ATP2B1: variants seen among roughly 807,000 people sequenced by gnomAD.
The protein encoded by ATP2B1 is plasma membrane calcium-transporting ATPase 1.
Under a neutral mutation model 124.2 loss-of-function variants are expected in ATP2B1, and 14 were observed. The ratio of observed to expected loss-of-function variants is 0.11; its 90% CI spans 0.07 to 0.18. The LOEUF is 0.18. Among genes scored for constraint, ATP2B1 ranks in the 10% least tolerant of loss-of-function variants. The pLI is 1.00. For synonymous variants in ATP2B1, 449 were observed against 492.4 expected (o/e 0.91, Z 1.17); for missense variants, 763 against 1,466.1 (o/e 0.52, Z 7.83).
At chr12:89,670,310 A>C (rs1377301450) in intron 1 of ATP2B1, among the ~76,000 whole-genome samples, 1 of 152,206 alleles carries the variant, frequency 6.6e-6, no homozygotes, top group African/African-American at 2.4e-5. Context: ...ACAATAAATA[A>C]AAAATAAATA....
intron 2 of ATP2B1, among the ~76,000 whole-genome samples, chr12:89,652,072 C>A (rs1434038054): frequency 1.3e-5 from 2 of 152,154 alleles, no homozygotes; most frequent in Admixed American, 6.5e-5. Context: ...CTTCTCCACT[C>A]ATTTTTTTTA....
intron 1 of ATP2B1, among the ~76,000 whole-genome samples, chr12:89,694,396 C>G (rs1890883514): frequency 6.6e-6 from 1 of 152,142 alleles, no homozygotes; most frequent in African/African-American, 2.4e-5. Context: ...TATAATCTCT[C>G]AACATCCCCC....
intron 1 of ATP2B1, among the ~76,000 whole-genome samples, chr12:89,660,176 C>T (rs751575478): frequency 4.6e-5 from 7 of 152,026 alleles, no homozygotes; most frequent in African/African-American, 1.4e-4. Flanking sequence ...GTTTTCTTAA[C>T]GCACTGTTGG....
At chr12:89,607,221 C>A (rs1318559766) in intron 15 of ATP2B1, among the ~76,000 whole-genome samples, 1 of 152,184 alleles carries the variant, frequency 6.6e-6, no homozygotes, top group Non-Finnish European at 1.5e-5. Context: ...GCATTCAAGG[C>A]CTTTTTAATG....
chr12:89,637,638 A>G (rs1403505401), intron 3 of ATP2B1, among the ~76,000 whole-genome samples: 2 of 152,230 alleles, frequency 1.3e-5, no homozygotes, highest in African/African-American at 4.8e-5. Flanking sequence ...GCCTCAAGCA[A>G]TCCTCCCACC....
At chr12:89,701,829 T>C (rs1285659515) in intron 1 of ATP2B1, among the ~76,000 whole-genome samples, 3 of 152,122 alleles carry the variant, frequency 2.0e-5, no homozygotes, top group Non-Finnish European at 4.4e-5. Context: ...CTTATAGGCA[T>C]CAAGCACAGC....
Position 89,624,231 on chromosome 12 carries a change from T to G in ATP2B1, c.1296A>C (p.Pro432=), listed in dbSNP as rs760370514. Residue 432 remains proline (P), a synonymous_variant, in exon 9 of 21, where the codon CCA becomes CCC. Coordinates refer to ENST00000428670, the MANE Select transcript of ATP2B1 (RefSeq NM_001366521.1). ...TCGTGACTGCAAGTGGAAGACCTTCTGGCACTGCGACCACTAAAACTGTAA... is the reference window on the plus strand; with the variant it reads ...TCGTGACTGCAAGTGGAAGACCTTCGGGCACTGCGACCACTAAAACTGTAA... ...IGVTVLVVAV[P]EGLPLAVTIS... is the part of the protein sequence containing the mutation. The G allele has an allele frequency of 6.2e-7, 1 of 1,614,076 alleles. No individual in the cohort carries two copies.
In ATP2B1 at chr12:89,611,276, A is replaced by T. The variant is rs972105631; in HGVS notation, c.2164T>A (p.Cys722Ser). 1.2e-5 allele frequency: 19 copies of T among 1,611,974 alleles called. No individual in the cohort carries two copies. The highest frequency in any genetic ancestry group is 1.7e-5 in the Admixed American group (1 of 59,762). The part of the protein sequence containing the change: ...INTARAIATK[C>S]GILHPGEDFL... ...TCTTCCCCAGGATGTAAAATACCACATTTGGTAGCAATGGCCCGAGCAGTA... is the reference window on the plus strand; with the variant it reads ...TCTTCCCCAGGATGTAAAATACCACTTTTGGTAGCAATGGCCCGAGCAGTA... The change falls in exon 13 of 21, where the codon TGT becomes AGT. Residue 722 changes from cysteine (C) to serine (S), a missense_variant. Coordinates refer to ENST00000428670, the MANE Select transcript of ATP2B1 (RefSeq NM_001366521.1).
intron 1 of ATP2B1, among the ~76,000 whole-genome samples, chr12:89,702,824 G>A (rs1892009996): frequency 6.6e-6 from 1 of 152,072 alleles, no homozygotes; most frequent in Non-Finnish European, 1.5e-5. Context: ...GGAAGTCACT[G>A]TACTTAGAAA....
chr12:89,639,858 GA>G (rs1348290220), intron 3 of ATP2B1, among the ~76,000 whole-genome samples: 1 of 152,118 alleles, frequency 6.6e-6, no homozygotes, highest in Non-Finnish European at 1.5e-5. Flanking sequence ...TCCACTTCTT[GA>G]AAGTATTTTT....
At chr12:89,605,254 A>G (rs552523642) in intron 15 of ATP2B1, among the ~76,000 whole-genome samples, 1 of 152,296 alleles carries the variant, frequency 6.6e-6, no homozygotes, top group African/African-American at 2.4e-5. Flanking sequence ...AACCTCACGA[A>G]CCTTGCCACG....
Position 89,648,728 on chromosome 12 carries a change from G to A in ATP2B1, c.209-6373C>T, listed in dbSNP as rs143803898. Among the ~76,000 whole-genome samples, 57 of 152,340 alleles carry A rather than the reference G, an allele frequency of 3.7e-4. No homozygotes were observed. The East Asian group carries it at 0.011, about 28-fold the overall frequency. On this transcript the variant is annotated intron_variant, in intron 2 of 20. Transcript: ENST00000428670. ...GATAAGGCAATGAGAAAAAGGCCTC[G>A]AAGGCATTTCAGAGATCTTTGGGAT...
chr12:89,599,340 A>C, intron 19 of ATP2B1, 41 bp from the exon 20 acceptor site: 1 of 1,592,700 alleles, frequency 6.3e-7, no homozygotes, highest in Non-Finnish European at 8.6e-7. Context: ...AATCATATCA[A>C]GTAAAGGTAA....
In ATP2B1 at chr12:89,603,309, G is replaced by C. The variant is rs1029172694; in HGVS notation, c.2849-55C>G. ...ATTATCATACCAAATTAGATTTCAA[G>C]GAGGTATACAAATTACAACTTAGCT... is the stretch of plus-strand genomic sequence containing the variant. On this transcript the variant is annotated intron_variant, in intron 17 of 20. Transcript: ENST00000428670. This position sits in a 1 kb window ranked among gnomAD's most constrained non-coding sequence, Gnocchi z 4.3. The C allele has an allele frequency of 7.2e-7, 1 of 1,396,488 alleles. No homozygotes were observed. Among genetic ancestry groups the C allele is most frequent in the East Asian group, 2.5e-5 (1 of 40,494 alleles). 86.5% of individuals were successfully genotyped at this position (1,396,488 alleles called of 1,614,324 possible).
At chr12:89,703,423 T>G (rs1391236966) in intron 1 of ATP2B1, among the ~76,000 whole-genome samples, 3 of 152,238 alleles carry the variant, frequency 2.0e-5, no homozygotes, top group African/African-American at 7.2e-5. Context: ...ATCTACTTGC[T>G]GTTTTTGAAA....
chr12:89,610,308 TAAAAC>T (rs1423140077), intron 14 of ATP2B1, 108 bp downstream of exon 14: 1 of 954,304 alleles, frequency 1.0e-6, no homozygotes, highest in African/African-American at 1.7e-5. Flanking sequence ...TAGATTTTAT[TAAAAC>T]AGATGATATC....
intron 1 of ATP2B1, among the ~76,000 whole-genome samples, chr12:89,668,984 G>A (rs1887614419): frequency 6.6e-6 from 1 of 152,050 alleles, no homozygotes. Context: ...CTGACTCCAT[G>A]GCATGGAATT....
At chr12:89,654,484 G>A (rs1885707562) in intron 2 of ATP2B1, among the ~76,000 whole-genome samples, 1 of 152,172 alleles carries the variant, frequency 6.6e-6, no homozygotes, top group Admixed American at 6.5e-5. Flanking sequence ...AACAGGTCTT[G>A]CAGGCAAAGA....
intron 1 of ATP2B1, among the ~76,000 whole-genome samples, chr12:89,707,561 GGTGGCTGTCTGC>G (rs2136929749): frequency 6.6e-6 from 1 of 152,302 alleles, no homozygotes; most frequent in Non-Finnish European, 1.5e-5. Flanking sequence ...AGAAGCGAAA[GGTGGCTGTCTGC>G]AGCGCTCTAA....
Sources: allele counts gnomAD v4.1 joint callset (sites outside exome capture counted in the v4.1 genomes callset), GRCh38; gene constraint gnomAD v4.1.1; non-coding constraint Gnocchi (gnomAD v3.1); transcripts MANE v1.5; gene names NCBI Gene and HGNC (gene_info 2026-07-23, HGNC 2026-07-21).